The following NAV3 variants were observed in gnomAD, a reference collection of about 807,000 sequenced individuals.
NAV3 encodes pore membrane and/or filament interacting like protein 1.
A neutral mutation model predicts 244.7 loss-of-function variants in NAV3; 87 were observed. The ratio of observed to expected loss-of-function variants is 0.36; its 90% CI spans 0.30 to 0.42. NAV3 has a LOEUF of 0.42. Among genes scored for constraint, NAV3 ranks in the 20% least tolerant of loss-of-function variants. The pLI is 1.00. For missense variants in NAV3, 2,663 were observed against 2,893.3 expected (o/e 0.92, Z 1.83); for synonymous variants, 1,126 against 1,042.2 (o/e 1.08, Z -1.55).
intron 2 of NAV3, among the ~76,000 whole-genome samples, chr12:77,607,811 G>A (rs745955768): frequency 3.3e-5 from 5 of 152,040 alleles, no homozygotes; most frequent in Non-Finnish European, 7.4e-5. Flanking sequence ...TACACAGAAT[G>A]TAAACATTTT....
At chr12:77,634,270 C>T (rs537268955) in intron 2 of NAV3, among the ~76,000 whole-genome samples, 7 of 152,204 alleles carry the variant, frequency 4.6e-5, no homozygotes, top group South Asian at 2.1e-4. Context: ...TTTCAGACTG[C>T]GTTGTCCTTA....
chr12:77,789,835 A>G (rs868119815), intron 2 of NAV3, among the ~76,000 whole-genome samples: 2,366 of 144,106 alleles, frequency 0.016, 76 homozygotes, highest in African/African-American at 0.056. Flanking sequence ...AAAAAAAAAA[A>G]AGAGAACAAG....
Position 78,051,022 on chromosome 12 carries a change from A to G in NAV3, c.2391A>G (p.Ser797=), listed in dbSNP as rs763696011. Residue 797 remains serine (S), a synonymous_variant, in exon 11 of 40, where the codon TCA becomes TCG. Coordinates refer to ENST00000397909, the MANE Select transcript of NAV3 (RefSeq NM_001024383.2). The stretch of plus-strand genomic sequence containing the variant: ...CTGTCTCTAGGCTGGGAAACATGTC[A>G]CAGATTGACATGAGTGAGAAAGCAA... The part of the protein sequence containing the change: ...RAAVSRLGNM[S]QIDMSEKASS... 1.2e-6 allele frequency: 2 copies of G among 1,614,054 alleles called. No individual in the cohort carries two copies. Among genetic ancestry groups the G allele is most frequent in the South Asian group, 1.1e-5 (1 of 91,070 alleles).
chr12:77,715,494 C>A (rs893564147), intron 2 of NAV3, among the ~76,000 whole-genome samples: 7 of 151,380 alleles, frequency 4.6e-5, no homozygotes, highest in African/African-American at 7.3e-5. Flanking sequence ...TAAATTATTA[C>A]AATATAATTT....
intron 19 of NAV3, among the ~76,000 whole-genome samples, chr12:78,138,001 G>A (rs527329678): frequency 6.6e-6 from 1 of 152,100 alleles, no homozygotes; most frequent in African/African-American, 2.4e-5. Flanking sequence ...AACTGTAGAA[G>A]CTCAAATGTC....
At chr12:78,008,662 G>T (rs76815258) in intron 8 of NAV3, among the ~76,000 whole-genome samples, 1 of 28,066 alleles carries the variant, frequency 3.6e-5, no homozygotes, top group South Asian at 8.8e-4. Context: ...TTATTTTTTT[G>T]CTCAATGAGG....
At chr12:77,834,717 A>G (rs1470204122) in intron 1 of NAV3, among the ~76,000 whole-genome samples, 1 of 152,192 alleles carries the variant, frequency 6.6e-6, no homozygotes, top group Non-Finnish European at 1.5e-5. Context: ...CTGATATCCC[A>G]ATAAGCCTCT....
At chr12:77,686,800 A>G (rs907858248) in intron 2 of NAV3, among the ~76,000 whole-genome samples, 3 of 152,266 alleles carry the variant, frequency 2.0e-5, no homozygotes, top group African/African-American at 7.2e-5. Context: ...CTGTTTCTCT[A>G]TTTTAACACC....
Position 78,205,032 on chromosome 12 carries a change from T to C in NAV3, c.6932T>C (p.Leu2311Ser), listed in dbSNP as rs1476875326. Reference sequence around the variant, plus strand: ...ACTCTGCCTCAGGAGAGCCCAGCCTTACTTCAGCTGCGACCAGAAGATGTT... The same window carrying C: ...ACTCTGCCTCAGGAGAGCCCAGCCTCACTTCAGCTGCGACCAGAAGATGTT... ...SATLPQESPA[L>S]LQLRPEDVGY... Residue 2311 changes from leucine to serine, a missense_variant, in exon 39 of 40, where the codon TTA becomes TCA. Transcript: ENST00000397909. 6.2e-7 allele frequency: 1 copy of C among 1,613,614 alleles called. No homozygotes were observed. Among genetic ancestry groups the C allele is most frequent in the East Asian group, 2.2e-5 (1 of 44,812 alleles).
intron 18 of NAV3, among the ~76,000 whole-genome samples, chr12:78,131,585 C>T (rs371632272): frequency 9.2e-5 from 14 of 152,178 alleles, no homozygotes; most frequent in South Asian, 4.1e-4. Flanking sequence ...CATTAATTGA[C>T]GTTAATTTGA....
chr12:77,936,361 A>G (rs1473346272), intron 1 of NAV3, among the ~76,000 whole-genome samples: 2 of 152,202 alleles, frequency 1.3e-5, no homozygotes, highest in Non-Finnish European at 2.9e-5. Flanking sequence ...AAATTATTAG[A>G]TGGGATGATA....
chr12:78,175,249 A>T (rs970914548), intron 24 of NAV3, 57 bp from the exon 25 acceptor site: 2 of 1,587,852 alleles, frequency 1.3e-6, no homozygotes, highest in African/African-American at 2.7e-5. Context: ...TAAAAGACTT[A>T]TTTGTTCAGA....
At chr12:77,809,435 AC>A (rs1385161280) in intron 2 of NAV3, among the ~76,000 whole-genome samples, 3 of 152,002 alleles carry the variant, frequency 2.0e-5, no homozygotes, top group Admixed American at 6.6e-5. Context: ...GAGTTCCTCA[AC>A]CCCTTGTGCT....
chr12:77,653,491 T>G (rs1418356451), intron 2 of NAV3, among the ~76,000 whole-genome samples: 2 of 152,244 alleles, frequency 1.3e-5, no homozygotes, highest in African/African-American at 2.4e-5. Flanking sequence ...AAGTTCATAG[T>G]TCTAATTGGA....
rs878900796 is a variant in NAV3 at position 77,941,191 on chromosome 12, G to A, written c.414+58G>A. 2.2e-5 allele frequency: 23 copies of A among 1,067,168 alleles called. No homozygotes were observed. In the South Asian group the frequency reaches 3.2e-4, roughly 15 times the overall value. 66.1% of individuals were successfully genotyped at this position (1,067,168 alleles called of 1,614,324 possible). On this transcript the variant is annotated intron_variant, in intron 3 of 39. Coordinates refer to ENST00000397909, the MANE Select transcript of NAV3 (RefSeq NM_001024383.2). Reference sequence around the variant, plus strand: ...CTGATCTTCACTTCCAGAATTAATTGCATTTGTAAATGGATATTATTTTTT... The same window carrying A: ...CTGATCTTCACTTCCAGAATTAATTACATTTGTAAATGGATATTATTTTTT...
intron 1 of NAV3, among the ~76,000 whole-genome samples, chr12:77,856,537 T>A (rs1350220322): frequency 2.6e-5 from 4 of 152,114 alleles, no homozygotes; most frequent in Non-Finnish European, 4.4e-5. Flanking sequence ...ATTTAAAATC[T>A]TACCTCCAGA....
Position 77,650,342 on chromosome 12 carries a change from C to T in NAV3, c.72+78076C>T, listed in dbSNP as rs796398761. 5.3e-4 allele frequency among the ~76,000 whole-genome samples: 80 copies of T among 152,226 alleles called. 1 individual carries two copies. Among genetic ancestry groups the T allele is most frequent in the African/African-American group, 1.9e-3 (78 of 41,534 alleles). On this transcript the variant is annotated intron_variant, in intron 2 of 8. Transcript: ENST00000550042. ...GGAGGAGAGGGTGAATCAAGAAAGT[C>T]TTCCCTAAAGATCAGTATTTAAGCC...
chr12:78,068,824 G>C (rs1464287590), intron 12 of NAV3, among the ~76,000 whole-genome samples: 1 of 151,286 alleles, frequency 6.6e-6, no homozygotes, highest in African/African-American at 2.4e-5. Context: ...ACTTATATGA[G>C]GGAAAAAGGA....
rs1446044531 is a variant in NAV3, at chr12:77,976,666, C to CTTTCTT, written c.671+7967_671+7968insCTTTTT. ...GTATTCTTTCTTTCTTTCTTTCTTT[C>CTTTCTT]TTTTTTTCTTTTTTTTTTTTTTTTT... On this transcript the variant is annotated intron_variant, in intron 5 of 39. Coordinates refer to ENST00000397909, the MANE Select transcript of NAV3 (RefSeq NM_001024383.2). Among the ~76,000 whole-genome samples the CTTTCTT allele has an allele frequency of 5.2e-3, 300 of 58,012 alleles. 7 individuals carry two copies. The highest frequency in any genetic ancestry group is 9.7e-3 in the East Asian group (18 of 1,854). The allele number at this position is 58,012 out of a possible 152,430, so 38.1% of individuals were successfully genotyped here. A position where few individuals can be genotyped will look rare whatever the true frequency, so the allele number is the denominator to read the frequency against.
Sources: gnomAD v4.1 joint callset for allele counts (sites outside exome capture counted in the v4.1 genomes callset) on GRCh38, gnomAD v4.1.1 for gene constraint, MANE v1.5 for transcripts, NCBI Gene and HGNC (gene_info 2026-07-23, HGNC 2026-07-21) for gene names.